The following ACTL6B variants were observed in gnomAD, a reference collection of about 807,000 sequenced individuals.
The protein encoded by ACTL6B is actin like 6B.
In ACTL6B, 48 loss-of-function variants were observed where a neutral mutation model predicts 63.3. That is an observed-to-expected ratio of 0.76 (90% confidence interval 0.60 to 0.96). ACTL6B has a LOEUF of 0.96. ACTL6B is among the 50% of genes least tolerant of loss of function. The pLI is 0.00. For synonymous variants in ACTL6B, 230 were observed against 223.8 expected (o/e 1.03, Z -0.25); for missense variants, 350 against 572.2 (o/e 0.61, Z 3.96).
Position 100,655,320 on chromosome 7 carries a change from G to A in ACTL6B, c.268+101C>T. ...ACCCTGGCAGCCAGAAGAACCCTGG[G>A]GCTGCAAGGAAGACTCCGCGGGGAG... On this transcript the variant is annotated intron_variant, in intron 3 of 13. Transcript: ENST00000160382. This position sits in a 1 kb window ranked among gnomAD's most constrained non-coding sequence, Gnocchi z 4.4. 2.1e-6 allele frequency: 3 copies of A among 1,401,478 alleles called. No homozygotes were observed. The highest frequency in any genetic ancestry group is 1.3e-5 in the South Asian group (1 of 75,778). 86.8% of individuals were successfully genotyped at this position (1,401,478 alleles called of 1,614,324 possible).
Position 100,656,390 on chromosome 7 carries a change from G to A in ACTL6B, c.-36C>T, listed in dbSNP as rs1290234964. 1.5e-5 allele frequency: 20 copies of A among 1,311,048 alleles called. No individual in the cohort carries two copies. The highest frequency in any genetic ancestry group is 1.8e-5 in the Non-Finnish European group (18 of 1,026,582). The allele number at this position is 1,311,048 out of a possible 1,614,324, so 81.2% of individuals were successfully genotyped here. ...GCGCTGCTAGCGGCCCGTGGGCGGT[G>A]GCGGGATCAGCACCGAGGCGGCCGG... On this transcript the variant is annotated 5_prime_UTR_variant, in exon 1 of 14. Coordinates refer to ENST00000160382, the MANE Select transcript of ACTL6B (RefSeq NM_016188.5).
At chr7:100,654,958 A>T in intron 4 of ACTL6B, 61 bp downstream of exon 4, 2 of 1,400,506 alleles carry the variant, frequency 1.4e-6, no homozygotes, top group African/African-American at 2.8e-5. Context: ...GGAGAGGTGG[A>T]TGGTGGGAAG....
chr7:100,652,294 AG>A (rs1455325895), intron 4 of ACTL6B, among the ~76,000 whole-genome samples: 1 of 151,972 alleles, frequency 6.6e-6, no homozygotes, highest in African/African-American at 2.4e-5. Context: ...GCTACTTGGG[AG>A]GCCGAGGCAG....
intron 4 of ACTL6B, among the ~76,000 whole-genome samples, chr7:100,652,999 C>CAAAAAAAAAA (rs58707737): frequency 1.3e-3 from 35 of 25,942 alleles, no homozygotes; most frequent in South Asian, 2.2e-3. Context: ...AACTCCGTCT[C>CAAAAAAAAAA]AAAAAAAAAA....
intron 4 of ACTL6B, among the ~76,000 whole-genome samples, chr7:100,652,222 C>A (rs1435665417): frequency 6.6e-6 from 1 of 151,692 alleles, no homozygotes; most frequent in East Asian, 1.9e-4. Flanking sequence ...CACGGTGAAA[C>A]CCCGCCTCTA....
At chr7:100,644,119 C>G (rs1216232528) in intron 13 of ACTL6B, among the ~76,000 whole-genome samples, 1 of 152,122 alleles carries the variant, frequency 6.6e-6, no homozygotes, top group African/African-American at 2.4e-5. Flanking sequence ...AAGCTGGTCT[C>G]AAACTCCTGA....
intron 4 of ACTL6B, among the ~76,000 whole-genome samples, chr7:100,654,205 C>CTCG (rs1803994667): frequency 6.6e-6 from 1 of 151,768 alleles, no homozygotes; most frequent in Admixed American, 6.6e-5. Flanking sequence ...ATCTCTTGAC[C>CTCG]TCGTGATCCA....
intron 4 of ACTL6B, among the ~76,000 whole-genome samples, chr7:100,652,255 G>A (rs540837162): frequency 1.1e-4 from 17 of 151,792 alleles, no homozygotes; most frequent in Middle Eastern, 3.4e-3. Flanking sequence ...AAAATTAGCC[G>A]GGCGTGGTGG....
Position 100,656,357 on chromosome 7 carries a change from T to TGCCC in ACTL6B, c.-7_-4dup. ...CCGCCGTAGACGCCCCCGCTCATAG[T>TGCCC]GCCCGCTGCGCTGCTAGCGGCCCGT... On this transcript the variant is annotated 5_prime_UTR_variant, in exon 1 of 14. Transcript: ENST00000160382. 7.3e-7 allele frequency: 1 copy of TGCCC among 1,364,622 alleles called. No homozygotes were observed. The highest frequency in any genetic ancestry group is 1.7e-5 in the South Asian group (1 of 59,410). The allele number at this position is 1,364,622 out of a possible 1,614,324, so 84.5% of individuals were successfully genotyped here.
Position 100,647,331 on chromosome 7 carries a change from G to A in ACTL6B, c.760-47C>T. The A allele has an allele frequency of 6.2e-7, 1 of 1,607,716 alleles. No homozygotes were observed. The highest frequency in any genetic ancestry group is 8.5e-7 in the Non-Finnish European group (1 of 1,176,046). Reference sequence around the variant, plus strand: ...TGAGGGCCTGCCTTCCCCGTGAGCAGCACCCCCTGCCCCGCTCCCCCTCCC... The same window carrying A: ...TGAGGGCCTGCCTTCCCCGTGAGCAACACCCCCTGCCCCGCTCCCCCTCCC... On this transcript the variant is annotated intron_variant, in intron 8 of 13. Transcript: ENST00000160382. This position sits in a 1 kb window ranked among gnomAD's most constrained non-coding sequence, Gnocchi z 4.4.
chr7:100,654,057 C>T (rs1368809573), intron 4 of ACTL6B, among the ~76,000 whole-genome samples: 2 of 151,708 alleles, frequency 1.3e-5, no homozygotes, highest in Non-Finnish European at 2.9e-5. Flanking sequence ...ACTGCAAGCT[C>T]CGCCTCCCGG....
Position 100,656,324 on chromosome 7 carries a change from G to T in ACTL6B, c.25+6C>A. 7.2e-7 allele frequency: 1 copy of T among 1,384,370 alleles called. No individual in the cohort carries two copies. The allele number at this position is 1,384,370 out of a possible 1,614,324, so 85.8% of individuals were successfully genotyped here. On this transcript the variant is annotated splice_donor_region_variant and intron_variant, in intron 1 of 13. Coordinates refer to ENST00000160382, the MANE Select transcript of ACTL6B (RefSeq NM_016188.5). ...TGCGGGAGCCGGGGGCCCGAGGCTC[G>T]CTCACCTCCGCCGTAGACGCCCCCG...
intron 4 of ACTL6B, among the ~76,000 whole-genome samples, chr7:100,653,136 G>A: frequency 6.7e-6 from 1 of 148,310 alleles, no homozygotes; most frequent in East Asian, 2.0e-4. Flanking sequence ...GGCCTGATTA[G>A]CATACATAGT....
Position 100,648,796 on chromosome 7 carries a change from G to A in ACTL6B, c.495C>T (p.Leu165=), listed in dbSNP as rs181476802. ...TAFANGRSTG[L]VLDSGATHTT... ...TGTGGGTGGCTCCACTGTCCAGCAC[G>A]AGGCCAGTGGACCGCCCGTTTGCAA... The change falls in exon 6 of 14, where the codon CTC becomes CTT. Residue 165 remains leucine (L), a synonymous_variant. Transcript: ENST00000160382. The surrounding 1 kb of genome is among the most constrained non-coding windows in gnomAD (Gnocchi z 4.4). 9.9e-6 allele frequency: 16 copies of A among 1,613,740 alleles called. No homozygotes were observed. The African/African-American group carries it at 1.6e-4, about 16-fold the overall frequency.
intron 4 of ACTL6B, among the ~76,000 whole-genome samples, chr7:100,654,432 CATAATAATAATAATAATA>C (rs146623180): frequency 2.2e-4 from 30 of 137,444 alleles, no homozygotes; most frequent in African/African-American, 4.3e-4. Flanking sequence ...CAAAGTTGAC[CATAATAATAATAATAATA>C]ATAATAATAA....
At chr7:100,656,193 G>A in intron 1 of ACTL6B, 137 bp downstream of exon 1, 1 of 1,072,534 alleles carries the variant, frequency 9.3e-7, no homozygotes, top group Non-Finnish European at 1.2e-6. Context: ...CGAGCGCAGG[G>A]GTGGCGGGAG....
In ACTL6B at chr7:100,648,023, G is replaced by A. The variant is rs553816651; in HGVS notation, c.670-490C>T. On this transcript the variant is annotated intron_variant, in intron 7 of 13. Transcript: ENST00000160382. The surrounding 1 kb of genome is among the most constrained non-coding windows in gnomAD (Gnocchi z 4.4). ...CGCCCAGGCTGGAGTGCAGTGGCGCGATCTCGGCTCACTGCAACCTCTGCC... is the reference window on the plus strand; with the variant it reads ...CGCCCAGGCTGGAGTGCAGTGGCGCAATCTCGGCTCACTGCAACCTCTGCC... 3.9e-4 allele frequency among the ~76,000 whole-genome samples: 58 copies of A among 149,940 alleles called. 1 individual carries two copies. The East Asian group carries it at 7.5e-3, about 19-fold the overall frequency.
In ACTL6B at chr7:100,646,620, G is replaced by A. The variant is rs774556479; in HGVS notation, c.1044C>T (p.Thr348=). The A allele has an allele frequency of 1.9e-5, 31 of 1,613,958 alleles. No individual in the cohort carries two copies. The highest frequency in any genetic ancestry group is 5.0e-5 in the Admixed American group (3 of 59,988). The change falls in exon 12 of 14, where the codon ACC becomes ACT. Residue 348 remains threonine (T), a synonymous_variant. Transcript: ENST00000160382. This position sits in a 1 kb window ranked among gnomAD's most constrained non-coding sequence, Gnocchi z 6.1. The stretch of plus-strand genomic sequence containing the variant: ...AGCCCTGCAGCAGTGTGTTCCCGCC[G>A]GTGACAATGACACTCCCGTACAGGC... ...RPGLYGSVIV[T]GGNTLLQGFT...
intron 5 of ACTL6B, among the ~76,000 whole-genome samples, chr7:100,649,554 T>C (rs1226860455): frequency 6.6e-6 from 1 of 152,194 alleles, no homozygotes; most frequent in Non-Finnish European, 1.5e-5. Flanking sequence ...CGCCTTGGCC[T>C]CCCAAAATGC....
Sources: allele counts gnomAD v4.1 joint callset (sites outside exome capture counted in the v4.1 genomes callset), GRCh38; gene constraint gnomAD v4.1.1; non-coding constraint Gnocchi (gnomAD v3.1); transcripts MANE v1.5; gene names NCBI Gene and HGNC (gene_info 2026-07-23, HGNC 2026-07-21).